Variants in MIB1 observed in about 807,000 individuals in gnomAD.
MIB1 encodes MIB E3 ubiquitin protein ligase 1.
MIB1 carries 278 observed loss-of-function variants against 124.5 expected under a neutral mutation model. The observed-to-expected ratio is 2.23, with a 90% CI of 2.02 to 2.47. The LOEUF (loss-of-function observed/expected upper bound fraction) is 2.47. MIB1 is among the 30% of genes most tolerant of loss of function. The probability of loss-of-function intolerance (pLI) is 0.00; values close to 1 mark genes in which losing one functional copy is unlikely to be tolerated. For missense variants in MIB1, 957 were observed against 1,254.4 expected, an observed-to-expected ratio of 0.76 and a Z score of 3.58; for synonymous variants, 446 against 429.4, an observed-to-expected ratio of 1.04 and a Z score of -0.48.
chr18:21,743,144 T>G (rs1228242709), intron 1 of MIB1, among the ~76,000 whole-genome samples: 1 of 152,172 alleles, frequency 6.6e-6, no homozygotes, highest in African/African-American at 2.4e-5. Context: ...ATGAAAAGAT[T>G]CAACAGCACA....
chr18:21,764,805 T>C (rs1159391657), intron 1 of MIB1, among the ~76,000 whole-genome samples: 2 of 152,140 alleles, frequency 1.3e-5, no homozygotes, highest in Non-Finnish European at 2.9e-5. Context: ...AAAACGACCT[T>C]TTCAAGGACA....
At chr18:21,838,691 G>A (rs1004788578) in intron 13 of MIB1, among the ~76,000 whole-genome samples, 194 bp downstream of exon 13, 2 of 152,150 alleles carry the variant, frequency 1.3e-5, no homozygotes, top group East Asian at 3.8e-4. Flanking sequence ...ATGGTGATGT[G>A]TGTTTGAGAG....
At chr18:21,784,025 G>A (rs1014014862) in intron 6 of MIB1, among the ~76,000 whole-genome samples, 2 of 150,420 alleles carry the variant, frequency 1.3e-5, no homozygotes, top group African/African-American at 4.9e-5. Flanking sequence ...TTACAGGTGT[G>A]AGCCACTGCA....
At chr18:21,811,045 T>TA (rs1255558984) in intron 10 of MIB1, among the ~76,000 whole-genome samples, 7 of 152,082 alleles carry the variant, frequency 4.6e-5, no homozygotes, top group Admixed American at 6.6e-5. Flanking sequence ...CAAGAAAACC[T>TA]AAAAAACTCC....
chr18:21,722,993 C>A (rs2040722198), intron 1 of MIB1, among the ~76,000 whole-genome samples: 1 of 152,114 alleles, frequency 6.6e-6, no homozygotes. Context: ...AGAAATTAAG[C>A]TCTACCTCCT....
chr18:21,773,652 C>G lies in MIB1; in HGVS notation c.560C>G (p.Ser187Ter). The G allele has an allele frequency of 1.2e-6, 2 of 1,609,730 alleles. No individual in the cohort carries two copies. Among genetic ancestry groups the G allele is most frequent in the Admixed American group, 1.7e-5 (1 of 59,092 alleles). Residue 187 changes from serine to a stop codon, truncating the protein, a stop_gained, in exon 4 of 21, where the codon TCA (serine) becomes TGA (stop). Coordinates refer to ENST00000261537, the MANE Select transcript of MIB1 (RefSeq NM_020774.4). LOFTEE classifies it high-confidence loss of function. ...KVTEIQDWSA[S>*]SPHSAAYVLW... is the part of the protein sequence containing the mutation. ...ACAGAAATCCAGGACTGGAGTGCAT[C>G]AAGCCCACATAGCGCAGCATATGTC...
chr18:21,715,639 C>A (rs572714769), intron 1 of MIB1, among the ~76,000 whole-genome samples: 1 of 151,606 alleles, frequency 6.6e-6, no homozygotes, highest in African/African-American at 2.4e-5. Flanking sequence ...TGAGAGAAAT[C>A]GTCAGTGAAA....
intron 9 of MIB1, among the ~76,000 whole-genome samples, 181 bp downstream of exon 9, chr18:21,800,155 A>C (rs1406214311): frequency 6.6e-6 from 1 of 152,082 alleles, no homozygotes; most frequent in East Asian, 1.9e-4. Flanking sequence ...AAAAAACCAG[A>C]CATTTTTGTA....
intron 7 of MIB1, among the ~76,000 whole-genome samples, chr18:21,795,580 A>G (rs1382678122): frequency 1.3e-5 from 2 of 151,504 alleles, no homozygotes; most frequent in African/African-American, 2.4e-5. Context: ...TATAGATTTG[A>G]TTTGAAATCA....
chr18:21,817,844 AAAAC>A (rs1489101456), intron 11 of MIB1: 6 of 250,696 alleles, frequency 2.4e-5, no homozygotes, highest in South Asian at 1.3e-4. Context: ...AAAAAAGAAT[AAAAC>A]AAACAAAAAA....
At position 21,791,605 on chromosome 18, in the gene MIB1, T is replaced by C. The variant is rs375226874; in HGVS notation, c.1092+48T>C. On this transcript the variant is annotated intron_variant, in intron 7 of 20. Coordinates refer to ENST00000261537, the MANE Select transcript of MIB1 (RefSeq NM_020774.4). Reference sequence around the variant, plus strand: ...TGGGCTAGAAATTACAATATACTTATGTCATTTTTAAAAGTAAATTAATGT... The same window carrying C: ...TGGGCTAGAAATTACAATATACTTACGTCATTTTTAAAAGTAAATTAATGT... The C allele has an allele frequency of 1.9e-4, 272 of 1,423,338 alleles. 2 individuals are homozygous for C. Among genetic ancestry groups the C allele is most frequent in the Admixed American group, 3.0e-4 (14 of 47,052 alleles). 88.2% of individuals were successfully genotyped at this position (1,423,338 alleles called of 1,614,324 possible). A position where few individuals can be genotyped will look rare whatever the true frequency, so the allele number is the denominator to read the frequency against.
At chr18:21,777,698 G>A (rs752714548) in intron 4 of MIB1, among the ~76,000 whole-genome samples, 27 of 152,146 alleles carry the variant, frequency 1.8e-4, no homozygotes, top group Non-Finnish European at 3.1e-4. Context: ...GGGATTACAG[G>A]TGTCCAGCAG....
chr18:21,763,068 TTC>T lies in MIB1; in HGVS notation c.230-2702_230-2701del, dbSNP rs1342531365. The stretch of plus-strand genomic sequence containing the variant: ...GTGTTTACCTATCACTTTAATTTTT[TTC>T]TGTTTTTTTTTTTAAATGAAGTTTC... On this transcript the variant is annotated intron_variant, in intron 1 of 20. Transcript: ENST00000261537. 1.4e-4 allele frequency among the ~76,000 whole-genome samples: 22 copies of T among 152,008 alleles called. No individual in the cohort carries two copies. The East Asian group carries it at 1.5e-3, about 11-fold the overall frequency.
At chr18:21,749,665 A>C (rs943837760) in intron 1 of MIB1, among the ~76,000 whole-genome samples, 1 of 58,902 alleles carries the variant, frequency 1.7e-5, no homozygotes, top group Non-Finnish European at 2.7e-5. Context: ...TTTGAAATGG[A>C]GTTTTCCTTT....
rs2041860782 is a variant in MIB1, at chr18:21,819,529, T to G, written c.1712T>G (p.Ile571Arg). 1 of 1,609,652 alleles carries G rather than the reference T, an allele frequency of 6.2e-7. No individual in the cohort carries two copies. Among genetic ancestry groups the G allele is most frequent in the Non-Finnish European group, 8.5e-7 (1 of 1,177,406 alleles). ...GGTGATACCCCTCTTCATGATGCAA[T>G]AAGTAAGAAACGTGATGATATCCTA... ...SEGDTPLHDA[I>R]SKKRDDILAV... The change falls in exon 12 of 21, where the codon ATA (isoleucine) becomes AGA (arginine). Residue 571 changes from isoleucine (I) to arginine (R), a missense_variant. Coordinates refer to ENST00000261537, the MANE Select transcript of MIB1 (RefSeq NM_020774.4).
Position 21,765,909 on chromosome 18 carries a change from C to T in MIB1, c.367C>T (p.Arg123Cys), listed in dbSNP as rs775887137. 3.7e-6 allele frequency: 6 copies of T among 1,614,030 alleles called. No homozygotes were observed. The South Asian group carries it at 5.5e-5, about 15-fold the overall frequency. ...YHGDKHHLRH[R>C]FYRITTPGSE... is the part of the protein sequence containing the mutation. ...TGGAGATAAACATCATTTAAGACAT[C>T]GCTTTTACCGAATTACTACACCGGG... is the stretch of plus-strand genomic sequence containing the variant. Residue 123 changes from arginine (R) to cysteine (C), a missense_variant, in exon 2 of 21, where the codon CGC becomes TGC. Transcript: ENST00000261537.
At chr18:21,774,272 T>C (rs1297143007) in intron 4 of MIB1, among the ~76,000 whole-genome samples, 1 of 152,238 alleles carries the variant, frequency 6.6e-6, no homozygotes, top group African/African-American at 2.4e-5. Context: ...CCTATGTTTT[T>C]GTATTTCATG....
chr18:21,775,769 A>G (rs2041278096), intron 4 of MIB1, among the ~76,000 whole-genome samples: 2 of 152,216 alleles, frequency 1.3e-5, no homozygotes, highest in African/African-American at 4.8e-5. Context: ...TGGTATTTAT[A>G]TAGATTGATG....
intron 3 of MIB1, among the ~76,000 whole-genome samples, chr18:21,772,255 C>G (rs2041232010): frequency 6.6e-6 from 1 of 152,042 alleles, no homozygotes; most frequent in Non-Finnish European, 1.5e-5. Context: ...ATACTTCAGC[C>G]TGTCATTCTA....
Sources: allele counts gnomAD v4.1 joint callset (sites outside exome capture counted in the v4.1 genomes callset), GRCh38; gene constraint gnomAD v4.1.1; transcripts MANE v1.5; gene names NCBI Gene and HGNC (gene_info 2026-07-23, HGNC 2026-07-21).